Variants in FCAR observed in about 807,000 individuals in gnomAD.
FCAR encodes the protein Fc alpha receptor.
Under a neutral mutation model 27.1 loss-of-function variants are expected in FCAR, and 21 were observed. The observed-to-expected ratio is 0.77, with a 90% CI of 0.55 to 1.11. The LOEUF (loss-of-function observed/expected upper bound fraction) is 1.11, where lower values mean the gene tolerates loss of function less well. Among genes scored for constraint, FCAR ranks in the 50% most tolerant of loss-of-function variants. The pLI, the probability that FCAR is intolerant of heterozygous loss-of-function variation, is 0.00. For missense variants in FCAR, 404 were observed against 358.4 expected, an observed-to-expected ratio of 1.13 and a Z score of -1.03; for synonymous variants, 134 against 135.8, an observed-to-expected ratio of 0.99 and a Z score of 0.09.
At chr19:54,884,156 A>G (rs2066572182) in intron 2 of FCAR, among the ~76,000 whole-genome samples, 1 of 152,212 alleles carries the variant, frequency 6.6e-6, no homozygotes, top group Non-Finnish European at 1.5e-5. Flanking sequence ...GAGTTCAGGC[A>G]GAAGCTGGGC....
rs192743321 is a variant in FCAR, at chr19:54,874,420, C to T, written c.34+97C>T. The T allele has an allele frequency of 2.5e-3, 3,033 of 1,220,828 alleles. 10 individuals are homozygous for T. The highest frequency in any genetic ancestry group is 2.2e-3 in the Non-Finnish European group (1,861 of 829,350). 75.6% of individuals were successfully genotyped at this position (1,220,828 alleles called of 1,614,324 possible). On this transcript the variant is annotated intron_variant, in intron 1 of 4. Coordinates refer to ENST00000355524, the MANE Select transcript of FCAR (RefSeq NM_002000.4). ...CAGTGTGACTAGGAGATTTTAGTGG[C>T]TGCCAAGGAGATTCTGATCTCCTTA...
chr19:54,888,335 T>C (rs1314053549), intron 4 of FCAR, 41 bp downstream of exon 4: 1 of 1,605,754 alleles, frequency 6.2e-7, no homozygotes, highest in Non-Finnish European at 8.5e-7. Flanking sequence ...GGGTTGGCTG[T>C]CCAGGGCCTT....
intron 2 of FCAR, among the ~76,000 whole-genome samples, chr19:54,878,523 A>G (rs1331813039): frequency 6.6e-6 from 1 of 152,018 alleles, no homozygotes; most frequent in African/African-American, 2.4e-5. Context: ...TATTTAGGAT[A>G]GTTAGGTCTT....
intron 1 of FCAR, 105 bp downstream of exon 1, chr19:54,874,428 G>C (rs1291806708): frequency 8.7e-7 from 1 of 1,147,004 alleles, no homozygotes; most frequent in Non-Finnish European, 1.3e-6. Context: ...GGCTGCCAAG[G>C]AGATTCTGAT....
rs770507647 is a variant in FCAR, at chr19:54,891,139, C to A, written c.*1276C>A. On this transcript the variant is annotated 3_prime_UTR_variant, in exon 5 of 5. Transcript: ENST00000355524. ...ATGGTCTTCCAAATAATTCCCCATT[C>A]TTTTTTCTTATAAACTTTCACAGCT... 1 of 152,156 alleles carries A rather than the reference C, an allele frequency of 6.6e-6. No individual in the cohort carries two copies. The highest frequency in any genetic ancestry group is 1.5e-5 in the Non-Finnish European group (1 of 68,024). 9.4% of individuals were successfully genotyped at this position (152,156 alleles called of 1,614,324 possible). A position where few individuals can be genotyped will look rare whatever the true frequency, so the allele number is the denominator to read the frequency against.
intron 2 of FCAR, among the ~76,000 whole-genome samples, chr19:54,884,176 G>A (rs587633865): frequency 6.6e-6 from 1 of 152,302 alleles, no homozygotes; most frequent in African/African-American, 2.4e-5. Flanking sequence ...CCACTATGCT[G>A]GAAACTGGCC....
intron 2 of FCAR, among the ~76,000 whole-genome samples, chr19:54,882,640 C>T (rs1266353873): frequency 6.6e-6 from 1 of 151,584 alleles, no homozygotes; most frequent in Admixed American, 6.6e-5. Context: ...GGTTTTGTCA[C>T]GTTGGTCAGG....
intron 2 of FCAR, among the ~76,000 whole-genome samples, chr19:54,883,260 GC>G (rs1424049392): frequency 6.7e-6 from 1 of 150,092 alleles, no homozygotes; most frequent in Non-Finnish European, 1.5e-5. Context: ...CAAGCAATCT[GC>G]CTGCCTTGGC....
chr19:54,887,950 GA>G, intron 3 of FCAR, 56 bp from the exon 4 acceptor site: 1 of 1,354,080 alleles, frequency 7.4e-7, no homozygotes, highest in Non-Finnish European at 1.0e-6. Flanking sequence ...ATAATAAGAA[GA>G]AGAAAAGAAT....
chr19:54,874,406 G>C, intron 1 of FCAR, 83 bp downstream of exon 1: 1 of 1,361,736 alleles, frequency 7.3e-7, no homozygotes, highest in East Asian at 2.3e-5. Context: ...AGTGTGACTA[G>C]GAGATTTTAG....
chr19:54,888,079 C>T lies in FCAR; in HGVS notation c.434C>T (p.Thr145Met), dbSNP rs587636812. 1.1e-4 allele frequency: 172 copies of T among 1,613,918 alleles called. 1 individual carries two copies. In the South Asian group the frequency reaches 1.3e-3, roughly 12 times the overall value. ...VLMPGENISL[T>M]CSSAHIPFDR... is the part of the protein sequence containing the mutation. The stretch of plus-strand genomic sequence containing the variant: ...ATGCCAGGAGAGAATATTTCCCTCA[C>T]GTGCAGCTCAGCACACATCCCATTT... Residue 145 changes from threonine (T) to methionine (M), a missense_variant, in exon 4 of 5, where the codon ACG becomes ATG. Thr to Met is a moderately conservative substitution (Grantham distance 81). Transcript: ENST00000355524.
intron 3 of FCAR, 81 bp from the exon 4 acceptor site, chr19:54,887,926 A>G: frequency 8.6e-6 from 10 of 1,166,866 alleles, no homozygotes; most frequent in Non-Finnish European, 1.2e-5. Flanking sequence ...TCAAAAAAAT[A>G]TATAATAATA....
At chr19:54,875,170 C>CA (rs75098947) in intron 1 of FCAR, among the ~76,000 whole-genome samples, 160 bp from the exon 2 acceptor site, 1,563 of 114,956 alleles carry the variant, frequency 0.014, 20 homozygotes, top group African/African-American at 0.038. Context: ...GACTCTGTCT[C>CA]AAAAAAAAAA....
chr19:54,890,090 A>ACGACAGGC lies in FCAR; in HGVS notation c.*227_*228insCGACAGGC. 1 of 581,118 alleles carries ACGACAGGC rather than the reference A, an allele frequency of 1.7e-6. No homozygotes were observed. Among genetic ancestry groups the ACGACAGGC allele is most frequent in the Non-Finnish European group, 3.1e-6 (1 of 326,234 alleles). The allele number at this position is 581,118 out of a possible 1,614,324, so 36.0% of individuals were successfully genotyped here. ...TGCCTCAGCCTCCCAAGTAGCTGGAATTACAGGCACATACCACTGCACCCA... is the reference window on the plus strand; with the variant it reads ...TGCCTCAGCCTCCCAAGTAGCTGGAACGACAGGCTTACAGGCACATACCACTGCACCCA... On this transcript the variant is annotated 3_prime_UTR_variant, in exon 5 of 5. Coordinates refer to ENST00000355524, the MANE Select transcript of FCAR (RefSeq NM_002000.4).
chr19:54,883,901 G>A (rs2145894242), intron 2 of FCAR, among the ~76,000 whole-genome samples: 1 of 152,220 alleles, frequency 6.6e-6, no homozygotes, highest in South Asian at 2.1e-4. Flanking sequence ...AGCTTGCAGT[G>A]AGCCAAGATC....
intron 3 of FCAR, among the ~76,000 whole-genome samples, chr19:54,885,901 C>T (rs929443884): frequency 2.0e-5 from 3 of 152,292 alleles, no homozygotes; most frequent in Non-Finnish European, 2.9e-5. Context: ...CACCCAAGGT[C>T]AGGAGTTCGA....
intron 2 of FCAR, among the ~76,000 whole-genome samples, chr19:54,884,600 G>A (rs1328142963): frequency 6.6e-6 from 1 of 151,506 alleles, no homozygotes; most frequent in African/African-American, 2.4e-5. Flanking sequence ...CTGCAGCCTG[G>A]GCGACAAAAC....
chr19:54,887,905 G>T, intron 3 of FCAR, 102 bp from the exon 4 acceptor site: 13 of 959,494 alleles, frequency 1.4e-5, no homozygotes, highest in Non-Finnish European at 1.6e-5. Flanking sequence ...CAATAAGAGC[G>T]AAACTCCATC....
intron 1 of FCAR, 38 bp downstream of exon 1, chr19:54,874,361 A>G: frequency 1.2e-6 from 2 of 1,602,492 alleles, no homozygotes; most frequent in Non-Finnish European, 1.7e-6. Flanking sequence ...AGGGGAAGAT[A>G]GAGAAATCCC....
Sources: gnomAD v4.1 joint callset for allele counts (sites outside exome capture counted in the v4.1 genomes callset) on GRCh38, gnomAD v4.1.1 for gene constraint, MANE v1.5 for transcripts, NCBI Gene and HGNC (gene_info 2026-07-23, HGNC 2026-07-21) for gene names.